The following RALB variants were observed in gnomAD, a reference collection of about 807,000 sequenced individuals.
The protein encoded by RALB is ras-related protein Ral-B.
RALB carries 16 observed loss-of-function variants against 21.3 expected under a neutral mutation model. That is an observed-to-expected ratio of 0.75 (90% CI 0.51 to 1.14). The LOEUF (loss-of-function observed/expected upper bound fraction) is 1.14, where lower values mean the gene tolerates loss of function less well. Among genes scored for constraint, RALB ranks in the 50% most tolerant of loss-of-function variants. RALB has a pLI of 0.00. For missense variants in RALB, 161 were observed against 256.2 expected (o/e 0.63, Z 2.54); for synonymous variants, 93 against 96.1 (o/e 0.97, Z 0.19).
chr2:120,247,426 C>G (rs1688989306), intron 1 of RALB, among the ~76,000 whole-genome samples: 1 of 152,170 alleles, frequency 6.6e-6, no homozygotes, highest in African/African-American at 2.4e-5. Context: ...CTCTGACTTT[C>G]TAAGAGAGCA....
Position 120,278,796 on chromosome 2 carries a change from CAG to C in RALB, c.114+20_114+21del. 3 of 1,503,798 alleles carry C rather than the reference CAG, an allele frequency of 2.0e-6. No homozygotes were observed. Among genetic ancestry groups the C allele is most frequent in the Non-Finnish European group, 2.7e-6 (3 of 1,120,106 alleles). 93.2% of individuals were successfully genotyped at this position (1,503,798 alleles called of 1,614,324 possible). ...ATGACGAGGTAAGCCCTGCTAGGCA[CAG>C]ACCACCTTCCTTTGGCATTGGCCGT... is the stretch of plus-strand genomic sequence containing the variant. On this transcript the variant is annotated intron_variant, in intron 2 of 4. Coordinates refer to ENST00000272519, the MANE Select transcript of RALB (RefSeq NM_002881.3).
intron 1 of RALB, among the ~76,000 whole-genome samples, chr2:120,269,432 C>T (rs978955426): frequency 6.6e-6 from 1 of 152,190 alleles, no homozygotes; most frequent in East Asian, 1.9e-4. Flanking sequence ...CTGCTGCTGG[C>T]TGGGGTGGCC....
At position 120,274,427 on chromosome 2, in the gene RALB, G is replaced by A. The variant is rs151115197; in HGVS notation, c.-47-4191G>A. Among the ~76,000 whole-genome samples, 364 of 152,204 alleles carry A rather than the reference G, an allele frequency of 2.4e-3. 1 individual carries two copies. The highest frequency in any genetic ancestry group is 7.7e-3 in the African/African-American group (318 of 41,532). ...GCGGTCAAGAGTAGGGGGGAGAAGA[G>A]CAAATGTGATCTGGACTCCTGGCAG... On this transcript the variant is annotated intron_variant, in intron 1 of 4. Coordinates refer to ENST00000272519, the MANE Select transcript of RALB (RefSeq NM_002881.3).
At chr2:120,287,007 A>C (rs1485524692) in intron 3 of RALB, among the ~76,000 whole-genome samples, 1 of 152,246 alleles carries the variant, frequency 6.6e-6, no homozygotes, top group Non-Finnish European at 1.5e-5. Flanking sequence ...GAGTTTTAAA[A>C]AATCTGTTCT....
chr2:120,292,474 G>C (rs577789465), intron 4 of RALB, among the ~76,000 whole-genome samples: 1 of 152,276 alleles, frequency 6.6e-6, no homozygotes, highest in African/African-American at 2.4e-5. Context: ...ATGCAGGGGT[G>C]TCAAGAGCAC....
In RALB at chr2:120,270,915, C is replaced by T. The variant is rs545951794; in HGVS notation, c.-47-7703C>T. Among the ~76,000 whole-genome samples, 9 of 152,336 alleles carry T rather than the reference C, an allele frequency of 5.9e-5. No homozygotes were observed. In the South Asian group the frequency reaches 1.9e-3, roughly 32 times the overall value. On this transcript the variant is annotated intron_variant, in intron 1 of 4. Coordinates refer to ENST00000272519, the MANE Select transcript of RALB (RefSeq NM_002881.3). Reference sequence around the variant, plus strand: ...TGATTATGGCCTACTAGGTGACCTTCAGTTCATACTGTCTGGAGGAGTGCT... The same window carrying T: ...TGATTATGGCCTACTAGGTGACCTTTAGTTCATACTGTCTGGAGGAGTGCT...
intron 1 of RALB, among the ~76,000 whole-genome samples, chr2:120,269,757 A>T (rs751670360): frequency 1.3e-5 from 2 of 152,238 alleles, no homozygotes; most frequent in Non-Finnish European, 2.9e-5. Context: ...CATTGATGGA[A>T]ATTTTAAAGA....
intron 1 of RALB, among the ~76,000 whole-genome samples, chr2:120,265,299 C>T (rs1421933309): frequency 1.3e-5 from 2 of 152,274 alleles, no homozygotes; most frequent in South Asian, 2.1e-4. Flanking sequence ...ATACCGTGGG[C>T]AGTTGTAACA....
At chr2:120,253,519 A>T in intron 1 of RALB, 1 of 985,322 alleles carries the variant, frequency 1.0e-6, no homozygotes, top group South Asian at 4.7e-5. Context: ...TTCCTTTCTG[A>T]TAGGGGCCAG....
chr2:120,269,449 T>TA (rs1292914797), intron 1 of RALB, among the ~76,000 whole-genome samples: 1 of 152,042 alleles, frequency 6.6e-6, no homozygotes, highest in Non-Finnish European at 1.5e-5. Flanking sequence ...GGCCAGTTTT[T>TA]ATTCCCTTAT....
intron 1 of RALB, among the ~76,000 whole-genome samples, chr2:120,264,921 G>A (rs1689464355): frequency 6.6e-6 from 1 of 151,812 alleles, no homozygotes; most frequent in Non-Finnish European, 1.5e-5. Context: ...CCATGTTATA[G>A]CATGTGTCAG....
chr2:120,264,904 G>A (rs1253514805), intron 1 of RALB, among the ~76,000 whole-genome samples: 1 of 152,150 alleles, frequency 6.6e-6, no homozygotes. Context: ...ACGTCTTTAA[G>A]GGTGATCCAT....
rs1690376890 is a variant in RALB, at chr2:120,294,547, A to C, written c.*1287A>C. The C allele has an allele frequency of 9.8e-6, 3 of 305,974 alleles. No individual in the cohort carries two copies. In the Admixed American group the frequency reaches 1.5e-4, roughly 15 times the overall value. The allele number at this position is 305,974 out of a possible 1,614,324, so 19.0% of individuals were successfully genotyped here. On this transcript the variant is annotated 3_prime_UTR_variant, in exon 5 of 5. Coordinates refer to ENST00000272519, the MANE Select transcript of RALB (RefSeq NM_002881.3). Reference sequence around the variant, plus strand: ...CCCCATTTTTCAGAAGCGACATTTCATATATAGGTGCCAAAAGTGAATCGG... The same window carrying C: ...CCCCATTTTTCAGAAGCGACATTTCCTATATAGGTGCCAAAAGTGAATCGG...
chr2:120,266,314 G>T (rs937582977), intron 1 of RALB, among the ~76,000 whole-genome samples: 2 of 152,076 alleles, frequency 1.3e-5, no homozygotes, highest in African/African-American at 4.8e-5. Context: ...GCGCGATCTC[G>T]GCTCACTGCA....
chr2:120,279,085 T>G (rs146230118), intron 2 of RALB, among the ~76,000 whole-genome samples: 1,701 of 152,284 alleles, frequency 0.011, 34 homozygotes, highest in African/African-American at 0.039. Context: ...TTGTACAGAT[T>G]TTCCAAACAA....
At chr2:120,285,680 T>G (rs1690114606) in intron 2 of RALB, among the ~76,000 whole-genome samples, 194 bp from the exon 3 acceptor site, 1 of 152,210 alleles carries the variant, frequency 6.6e-6, no homozygotes, top group African/African-American at 2.4e-5. Context: ...ATCTGTAAAT[T>G]GGGATATCTG....
At chr2:120,254,157 G>C (rs529315736) in intron 1 of RALB, among the ~76,000 whole-genome samples, 146 of 152,314 alleles carry the variant, frequency 9.6e-4, no homozygotes, top group Middle Eastern at 6.8e-3. Context: ...TTTGATGCAG[G>C]TTCTGAGAGT....
At chr2:120,263,290 T>C (rs1689418351) in intron 1 of RALB, among the ~76,000 whole-genome samples, 2 of 151,918 alleles carry the variant, frequency 1.3e-5, no homozygotes, top group South Asian at 4.2e-4. Context: ...CACCTCAGCC[T>C]CCTGAGTAGC....
intron 1 of RALB, among the ~76,000 whole-genome samples, chr2:120,265,716 A>G (rs1187886691): frequency 6.6e-6 from 1 of 152,236 alleles, no homozygotes; most frequent in Non-Finnish European, 1.5e-5. Flanking sequence ...TAGTTAAGTG[A>G]CCCTGGACAA....
Sources: gnomAD v4.1 joint callset for allele counts (sites outside exome capture counted in the v4.1 genomes callset) on GRCh38, gnomAD v4.1.1 for gene constraint, MANE v1.5 for transcripts, NCBI Gene and HGNC (gene_info 2026-07-23, HGNC 2026-07-21) for gene names.